MAPK8: variants seen among roughly 807,000 people sequenced by gnomAD.
MAPK8 encodes JUN N-terminal kinase.
A neutral mutation model predicts 52.9 loss-of-function variants in MAPK8; 13 were observed. The observed-to-expected ratio is 0.25, with a 90% CI of 0.16 to 0.39. The LOEUF (loss-of-function observed/expected upper bound fraction) is 0.39, where lower values mean the gene tolerates loss of function less well. MAPK8 is among the 10% of genes least tolerant of loss of function. The pLI is 1.00. For synonymous variants in MAPK8, 191 were observed against 169.8 expected (o/e 1.12, Z -0.97); for missense variants, 300 against 519.2 (o/e 0.58, Z 4.10).
chr10:48,421,850 T>TAG (rs1383649534), intron 6 of MAPK8, among the ~76,000 whole-genome samples: 7 of 152,018 alleles, frequency 4.6e-5, no homozygotes, highest in Admixed American at 6.6e-5. Context: ...GGTTCCTCTT[T>TAG]AGTTAAGAAT....
chr10:48,394,333 T>C (rs1472034254), intron 1 of MAPK8, among the ~76,000 whole-genome samples: 2 of 151,874 alleles, frequency 1.3e-5, no homozygotes, highest in Non-Finnish European at 3.0e-5. Context: ...ATAAAATAGA[T>C]GGAAAAATCT....
At chr10:48,359,238 G>T (rs936810693) in intron 1 of MAPK8, among the ~76,000 whole-genome samples, 1 of 151,868 alleles carries the variant, frequency 6.6e-6, no homozygotes, top group Admixed American at 6.6e-5. Flanking sequence ...TTAAAAATAC[G>T]CATTTTAAGT....
At chr10:48,432,265 AT>A (rs2044362044) in intron 11 of MAPK8, among the ~76,000 whole-genome samples, 1 of 152,340 alleles carries the variant, frequency 6.6e-6, no homozygotes, top group East Asian at 1.9e-4. Context: ...TGTATCTAGC[AT>A]CTTGTATATG....
At chr10:48,379,480 A>G (rs1364146985) in intron 1 of MAPK8, among the ~76,000 whole-genome samples, 2 of 152,232 alleles carry the variant, frequency 1.3e-5, no homozygotes, top group East Asian at 1.9e-4. Context: ...CATAAATGTC[A>G]TAAAATAAGA....
chr10:48,346,572 C>CGG (rs1223779945), intron 1 of MAPK8, among the ~76,000 whole-genome samples: 1 of 152,066 alleles, frequency 6.6e-6, no homozygotes, highest in East Asian at 1.9e-4. Flanking sequence ...TCCCTTTCCC[C>CGG]GGGGGAGTTT....
chr10:48,329,130 G>A (rs1047584861), intron 1 of MAPK8, among the ~76,000 whole-genome samples: 1 of 152,212 alleles, frequency 6.6e-6, no homozygotes, highest in African/African-American at 2.4e-5. Context: ...ATGAAGTTAA[G>A]TAACTTGCGC....
At chr10:48,431,347 G>A (rs2044232829) in intron 11 of MAPK8, 77 bp downstream of exon 11, 4 of 887,286 alleles carry the variant, frequency 4.5e-6, no homozygotes, top group Non-Finnish European at 7.2e-6. Flanking sequence ...GAAACCTGCA[G>A]TTCTTCCCAT....
rs2044822619 is a variant in MAPK8, at chr10:48,435,983, C to A, written c.*954C>A. ...TTTCCCTTTCCTGCAGCTTCGGGTC[C>A]TTGGACCTTTCCTGTTTCCTATTAC... On this transcript the variant is annotated 3_prime_UTR_variant, in exon 12 of 12. Transcript: ENST00000374189. The A allele has an allele frequency of 6.6e-6, 1 of 152,198 alleles. No homozygotes were observed. The allele number at this position is 152,198 out of a possible 1,614,324, so 9.4% of individuals were successfully genotyped here. A position where few individuals can be genotyped will look rare whatever the true frequency, so the allele number is the denominator to read the frequency against.
rs554973256 is a variant in MAPK8, at chr10:48,349,950, A to G, written c.-50+43129A>G. On this transcript the variant is annotated intron_variant, in intron 1 of 11. Coordinates refer to ENST00000374189, the MANE Select transcript of MAPK8 (RefSeq NM_001323329.2). ...TAAAGGTGATATCACCACTGATCCC[A>G]CAGAAATACAAACTACCGTCAGAGA... 5.3e-5 allele frequency among the ~76,000 whole-genome samples: 8 copies of G among 152,346 alleles called. No homozygotes were observed. The East Asian group carries it at 1.3e-3, about 26-fold the overall frequency.
At position 48,376,974 on chromosome 10, in the gene MAPK8, C is replaced by G. The variant is rs541779695; in HGVS notation, c.-49-24638C>G. On this transcript the variant is annotated intron_variant, in intron 1 of 11. Coordinates refer to ENST00000374189, the MANE Select transcript of MAPK8 (RefSeq NM_001323329.2). ...AATGACTGGGAACCAACCCAAATGC[C>G]CAACAGTGATAGACTGGATAAAGAG... is the stretch of plus-strand genomic sequence containing the variant. Among the ~76,000 whole-genome samples the G allele has an allele frequency of 7.2e-5, 11 of 152,236 alleles. No homozygotes were observed. In the South Asian group the frequency reaches 2.3e-3, roughly 32 times the overall value.
chr10:48,327,248 A>G (rs1843627986), intron 1 of MAPK8, among the ~76,000 whole-genome samples: 1 of 152,156 alleles, frequency 6.6e-6, no homozygotes, highest in African/African-American at 2.4e-5. Flanking sequence ...AATCAAATTG[A>G]GGAAATTCTT....
intron 1 of MAPK8, among the ~76,000 whole-genome samples, chr10:48,309,006 T>C (rs971330682): frequency 2.6e-5 from 4 of 152,218 alleles, no homozygotes; most frequent in Non-Finnish European, 4.4e-5. Context: ...AAATAATACT[T>C]TTTTAAGATG....
At chr10:48,340,692 T>C (rs1021455563) in intron 1 of MAPK8, among the ~76,000 whole-genome samples, 2 of 152,272 alleles carry the variant, frequency 1.3e-5, no homozygotes, top group African/African-American at 2.4e-5. Context: ...GTTCATCTTA[T>C]AGTTTCCTGG....
intron 1 of MAPK8, among the ~76,000 whole-genome samples, chr10:48,324,886 C>G (rs901533289): frequency 6.6e-6 from 1 of 151,996 alleles, no homozygotes; most frequent in African/African-American, 2.4e-5. Flanking sequence ...TTTCCAGCAG[C>G]CTTTTACCTG....
intron 1 of MAPK8, among the ~76,000 whole-genome samples, chr10:48,396,444 C>T (rs534365088): frequency 2.6e-5 from 4 of 152,098 alleles, no homozygotes; most frequent in East Asian, 1.9e-4. Flanking sequence ...ACTGGCAAAA[C>T]GAAGAGTTGG....
intron 1 of MAPK8, among the ~76,000 whole-genome samples, chr10:48,350,727 C>T (rs995384283): frequency 6.6e-6 from 1 of 152,204 alleles, no homozygotes; most frequent in African/African-American, 2.4e-5. Flanking sequence ...TGTCCTCTCT[C>T]ACTACTCCTA....
chr10:48,325,587 C>T (rs948257535), intron 1 of MAPK8, among the ~76,000 whole-genome samples: 1 of 151,968 alleles, frequency 6.6e-6, no homozygotes, highest in Non-Finnish European at 1.5e-5. Flanking sequence ...TTCCATATAC[C>T]CCAGACCCAA....
At chr10:48,328,071 C>T (rs1843708446) in intron 1 of MAPK8, among the ~76,000 whole-genome samples, 2 of 152,092 alleles carry the variant, frequency 1.3e-5, no homozygotes, top group South Asian at 4.1e-4. Context: ...GGCTGGAATG[C>T]AGTGGTGCGA....
At chr10:48,410,269 C>T in intron 5 of MAPK8, 101 bp downstream of exon 5, 1 of 926,044 alleles carries the variant, frequency 1.1e-6, no homozygotes, top group Middle Eastern at 2.3e-4. Flanking sequence ...AGTACATTCA[C>T]AGTGCTGTAC....
Sources: allele counts gnomAD v4.1 joint callset (sites outside exome capture counted in the v4.1 genomes callset), GRCh38; gene constraint gnomAD v4.1.1; transcripts MANE v1.5; gene names NCBI Gene and HGNC (gene_info 2026-07-23, HGNC 2026-07-21).